Variants in TNFRSF1A observed in about 807,000 individuals in gnomAD.
The protein encoded by TNFRSF1A is tumor necrosis factor receptor superfamily member 1A.
Under a neutral mutation model 41.6 loss-of-function variants are expected in TNFRSF1A, and 9 were observed. That is an observed-to-expected ratio of 0.22 (90% CI 0.13 to 0.38). TNFRSF1A has a LOEUF of 0.38. Ranked by LOEUF, TNFRSF1A falls within the 10% of genes least tolerant of loss-of-function variation. The pLI, the probability that TNFRSF1A is intolerant of heterozygous loss-of-function variation, is 1.00. For synonymous variants in TNFRSF1A, 254 were observed against 248.6 expected (o/e 1.02, Z -0.21); for missense variants, 463 against 591.5 (o/e 0.78, Z 2.25).
chr12:6,330,746 G>A lies in TNFRSF1A; in HGVS notation c.626-35C>T, dbSNP rs199601025. 3.8e-6 allele frequency: 6 copies of A among 1,584,180 alleles called. No individual in the cohort carries two copies. In the Admixed American group the frequency reaches 5.0e-5, roughly 13 times the overall value. On this transcript the variant is annotated intron_variant, in intron 6 of 9. Transcript: ENST00000162749. ...AAGCAGGTGTTGGTCAGAGGAGCGG[G>A]CAGAGGGGGGCCGCAGGGATAGATG...
intron 1 of TNFRSF1A, among the ~76,000 whole-genome samples, chr12:6,339,841 TCA>T (rs57599695): frequency 0.035 from 3,917 of 113,322 alleles, 61 homozygotes; most frequent in African/African-American, 0.056. Context: ...TCTCTCTCTC[TCA>T]CACACACACA....
chr12:6,329,934 G>A lies in TNFRSF1A; in HGVS notation c.901C>T (p.Pro301Ser), dbSNP rs1240144147. Reference protein sequence around the residue: ...STFTSSSTYTPGDCPNFAAPR... With the variant: ...STFTSSSTYTSGDCPNFAAPR... Reference sequence around the variant, plus strand: ...GCCGCAAAGTTGGGACAGTCACCGGGGGTATAGGTGGAGCTGGAGGTGAAG... The same window carrying A: ...GCCGCAAAGTTGGGACAGTCACCGGAGGTATAGGTGGAGCTGGAGGTGAAG... Residue 301 changes from proline (P) to serine (S), a missense_variant, in exon 9 of 10, where the codon CCC (proline) becomes TCC (serine). Transcript: ENST00000162749. 6.4e-7 allele frequency: 1 copy of A among 1,571,026 alleles called. No homozygotes were observed. The highest frequency in any genetic ancestry group is 1.9e-5 in the Admixed American group (1 of 52,770).
In TNFRSF1A at chr12:6,329,641, G is replaced by T. The variant is rs750655506; in HGVS notation, c.1058-19C>A. Reference sequence around the variant, plus strand: ...TCATCAGCTGCGGGGACGCGGGCCGGTGAGCCTCGGGCGGCAACCCCAGGC... The same window carrying T: ...TCATCAGCTGCGGGGACGCGGGCCGTTGAGCCTCGGGCGGCAACCCCAGGC... On this transcript the variant is annotated intron_variant, in intron 9 of 9. Coordinates refer to ENST00000162749, the MANE Select transcript of TNFRSF1A (RefSeq NM_001065.4). 3 of 1,587,056 alleles carry T rather than the reference G, an allele frequency of 1.9e-6. No individual in the cohort carries two copies. Among genetic ancestry groups the T allele is most frequent in the Non-Finnish European group, 2.6e-6 (3 of 1,169,298 alleles).
In TNFRSF1A at chr12:6,329,936, G is replaced by A. The variant is rs1948017483; in HGVS notation, c.899C>T (p.Thr300Ile). Residue 300 changes from threonine to isoleucine, a missense_variant, in exon 9 of 10, where the codon ACC (threonine) becomes ATC (isoleucine). This residue lies in a region of TNFRSF1A where 277 missense variants were observed against 288.8 expected (regional missense o/e 0.96). Coordinates refer to ENST00000162749, the MANE Select transcript of TNFRSF1A (RefSeq NM_001065.4). ...CGCAAAGTTGGGACAGTCACCGGGG[G>A]TATAGGTGGAGCTGGAGGTGAAGGT... ...SSTFTSSSTY[T>I]PGDCPNFAAP... The A allele has an allele frequency of 6.4e-7, 1 of 1,571,538 alleles. No individual in the cohort carries two copies. The highest frequency in any genetic ancestry group is 2.4e-5 in the East Asian group (1 of 42,470).
chr12:6,337,799 C>T lies in TNFRSF1A; in HGVS notation c.40-3555G>A, dbSNP rs906784090. ...AAAAAATGTCTTGGTCAGAAAGTGT[C>T]TTATCCTCCCCTGGTGTCCTCTCAG... is the stretch of plus-strand genomic sequence containing the variant. On this transcript the variant is annotated intron_variant, in intron 1 of 9. Transcript: ENST00000162749. This position sits in a 1 kb window ranked among gnomAD's most constrained non-coding sequence, Gnocchi z 4.6. Among the ~76,000 whole-genome samples the T allele has an allele frequency of 9.2e-5, 14 of 152,238 alleles. No homozygotes were observed. The highest frequency in any genetic ancestry group is 3.9e-4 in the Admixed American group (6 of 15,286).
intron 1 of TNFRSF1A, among the ~76,000 whole-genome samples, chr12:6,340,900 C>T (rs956042374): frequency 3.3e-5 from 5 of 152,146 alleles, no homozygotes; most frequent in African/African-American, 9.7e-5. Context: ...TTTCCAGTGA[C>T]GAAAACAACT....
chr12:6,330,479 T>TC lies in TNFRSF1A; in HGVS notation c.739+118dup, dbSNP rs761705375. 5.0e-6 allele frequency: 5 copies of TC among 1,001,850 alleles called. No individual in the cohort carries two copies. In the East Asian group the frequency reaches 1.3e-4, roughly 25 times the overall value. 62.1% of individuals were successfully genotyped at this position (1,001,850 alleles called of 1,614,324 possible). On this transcript the variant is annotated intron_variant, in intron 7 of 9. Coordinates refer to ENST00000162749, the MANE Select transcript of TNFRSF1A (RefSeq NM_001065.4). ...ATCCAGGGCCACCTTCTGCCCAGAG[T>TC]CCCCAGCGGTATGAACTGAGGGGAC... is the stretch of plus-strand genomic sequence containing the variant.
chr12:6,333,659 C>T lies in TNFRSF1A; in HGVS notation c.322+78G>A, dbSNP rs1948081396. The T allele has an allele frequency of 1.9e-6, 3 of 1,562,844 alleles. No individual in the cohort carries two copies. The highest frequency in any genetic ancestry group is 1.9e-5 in the Admixed American group (1 of 52,028). ...ACCAAAACACACACCTTCCTGCCCA[C>T]ACCCACCAGCCTGCACATAGACAGG... On this transcript the variant is annotated intron_variant, in intron 3 of 9. Transcript: ENST00000162749. This position sits in a 1 kb window ranked among gnomAD's most constrained non-coding sequence, Gnocchi z 6.3.
Position 6,333,651 on chromosome 12 carries a change from C to T in TNFRSF1A, c.322+86G>A. 1.3e-6 allele frequency: 2 copies of T among 1,565,268 alleles called. No homozygotes were observed. Among genetic ancestry groups the T allele is most frequent in the Non-Finnish European group, 1.7e-6 (2 of 1,154,180 alleles). ...AGTGTCCCACCAAAACACACACCTT[C>T]CTGCCCACACCCACCAGCCTGCACA... is the stretch of plus-strand genomic sequence containing the variant. On this transcript the variant is annotated intron_variant, in intron 3 of 9. Coordinates refer to ENST00000162749, the MANE Select transcript of TNFRSF1A (RefSeq NM_001065.4). The surrounding 1 kb of genome is among the most constrained non-coding windows in gnomAD (Gnocchi z 6.3).
In TNFRSF1A at chr12:6,329,894, ACCTCTCTGCGGGGAGCCG is replaced by A; in HGVS notation, c.923_940del (p.Ala308_Glu313del). On this transcript the variant is annotated inframe_deletion, in exon 9 of 10. Coordinates refer to ENST00000162749, the MANE Select transcript of TNFRSF1A (RefSeq NM_001065.4). ...GTCAGCCCCCTGATAGGGTGGTGCC[ACCTCTCTGCGGGGAGCCG>A]CAAAGTTGGGACAGTCACCGGGGGT... 6.3e-7 allele frequency: 1 copy of A among 1,579,448 alleles called. No homozygotes were observed. The highest frequency in any genetic ancestry group is 8.6e-7 in the Non-Finnish European group (1 of 1,162,076).
In TNFRSF1A at chr12:6,329,160, CTGAGA is replaced by C; in HGVS notation, c.*147_*151del. On this transcript the variant is annotated 3_prime_UTR_variant, in exon 10 of 10. Transcript: ENST00000162749. ...CTGACTGTCGGCGGCGCGCAGGCAG[CTGAGA>C]AAAGCTATGTACATCGAGGGGTTAG... 1 of 718,636 alleles carries C rather than the reference CTGAGA, an allele frequency of 1.4e-6. No individual in the cohort carries two copies. Among genetic ancestry groups the C allele is most frequent in the Non-Finnish European group, 2.0e-6 (1 of 488,788 alleles). 44.5% of individuals were successfully genotyped at this position (718,636 alleles called of 1,614,324 possible).
At chr12:6,338,283 A>G (rs1948144913) in intron 1 of TNFRSF1A, among the ~76,000 whole-genome samples, 1 of 151,868 alleles carries the variant, frequency 6.6e-6, no homozygotes, top group Non-Finnish European at 1.5e-5. Flanking sequence ...CTCTCTCCCC[A>G]GGGCCCCATC....
rs775407839 is a variant in TNFRSF1A at position 6,333,295 on chromosome 12, G to C, written c.472+72C>G. On this transcript the variant is annotated intron_variant, in intron 4 of 9. Coordinates refer to ENST00000162749, the MANE Select transcript of TNFRSF1A (RefSeq NM_001065.4). This position sits in a 1 kb window ranked among gnomAD's most constrained non-coding sequence, Gnocchi z 6.3. ...AATACAGGAGGGGGAAGGAAAGGAA[G>C]TGCCACCGCATGGGGAAGGGGCCAA... 143 of 1,579,284 alleles carry C rather than the reference G, an allele frequency of 9.1e-5. No homozygotes were observed. The highest frequency in any genetic ancestry group is 1.2e-4 in the Non-Finnish European group (140 of 1,158,652).
chr12:6,330,830 G>A (rs1180892041), intron 6 of TNFRSF1A, 23 bp downstream of exon 6: 4 of 1,609,444 alleles, frequency 2.5e-6, no homozygotes, highest in Admixed American at 1.7e-5. Context: ...GGTGAGCATG[G>A]GCACCAGGTC....
At position 6,329,576 on chromosome 12, in the gene TNFRSF1A, C is replaced by G; in HGVS notation, c.1104G>C (p.Pro368=). 6.3e-7 allele frequency: 1 copy of G among 1,592,418 alleles called. No individual in the cohort carries two copies. Among genetic ancestry groups the G allele is most frequent in the East Asian group, 2.2e-5 (1 of 44,538 alleles). ...TLYAVVENVP[P]LRWKEFVRRL... ...GCCGCACGAATTCCTTCCAGCGCAACGGGGGCACGTTCTCCACCACGGCGT... is the reference window on the plus strand; with the variant it reads ...GCCGCACGAATTCCTTCCAGCGCAAGGGGGGCACGTTCTCCACCACGGCGT... Residue 368 remains proline (P), a synonymous_variant, in exon 10 of 10, where the codon CCG becomes CCC. Coordinates refer to ENST00000162749, the MANE Select transcript of TNFRSF1A (RefSeq NM_001065.4).
chr12:6,329,666 C>T (rs1157708814), intron 9 of TNFRSF1A, 44 bp from the exon 10 acceptor site: 5 of 1,552,876 alleles, frequency 3.2e-6, no homozygotes, highest in Admixed American at 1.9e-5. Flanking sequence ...CAACCCCAGG[C>T]CCCGCCCCGC....
In TNFRSF1A at chr12:6,333,326, G is replaced by A. The variant is rs868159142; in HGVS notation, c.472+41C>T. The stretch of plus-strand genomic sequence containing the variant: ...CCGCATGGGGAAGGGGCCAACCCCT[G>A]GGGTGGGGAGAGGGCTTGGCCTCAG... On this transcript the variant is annotated intron_variant, in intron 4 of 9. Transcript: ENST00000162749. This position sits in a 1 kb window ranked among gnomAD's most constrained non-coding sequence, Gnocchi z 6.3. 6.2e-6 allele frequency: 10 copies of A among 1,606,166 alleles called. No homozygotes were observed. In the Middle Eastern group the frequency reaches 9.9e-4, roughly 159 times the overall value.
At chr12:6,331,213 AAGCCATTAACCCCCAAGCCTCG>A in intron 5 of TNFRSF1A, 1 of 480,308 alleles carries the variant, frequency 2.1e-6, no homozygotes, top group South Asian at 2.1e-5. Flanking sequence ...GAATCTAGGC[AAGCCATTAACCCCCAAGCCTCG>A]GTTTCCTCAT....
rs182831491 is a variant in TNFRSF1A at position 6,339,213 on chromosome 12, A to G, written c.39+2563T>C. Among the ~76,000 whole-genome samples the G allele has an allele frequency of 5.3e-5, 8 of 151,890 alleles. No individual in the cohort carries two copies. The East Asian group carries it at 1.4e-3, about 26-fold the overall frequency. On this transcript the variant is annotated intron_variant, in intron 1 of 9. Transcript: ENST00000162749. Reference sequence around the variant, plus strand: ...CTCCTCTTCCTCACATCAGTATCCAACTCTGCTTCCCTCCTTTATAGCTAC... The same window carrying G: ...CTCCTCTTCCTCACATCAGTATCCAGCTCTGCTTCCCTCCTTTATAGCTAC...
Sources: gnomAD v4.1 joint callset for allele counts (sites outside exome capture counted in the v4.1 genomes callset) on GRCh38, gnomAD v4.1.1 for gene constraint, gnomAD v4.1.1 regional missense constraint, Gnocchi (gnomAD v3.1) non-coding constraint, MANE v1.5 for transcripts, NCBI Gene and HGNC (gene_info 2026-07-23, HGNC 2026-07-21) for gene names.